Variants in ANKRD17 observed in about 807,000 individuals in gnomAD.
ANKRD17 encodes the protein ankyrin repeat domain 17, also known as ankyrin repeat domain-containing protein 17.
Under a neutral mutation model 229.7 loss-of-function variants are expected in ANKRD17, and 19 were observed. The ratio of observed to expected loss-of-function variants is 0.08; its 90% confidence interval spans 0.06 to 0.12. The LOEUF (loss-of-function observed/expected upper bound fraction) is 0.12, where lower values mean the gene tolerates loss of function less well. Among genes scored for constraint, ANKRD17 ranks in the 10% least tolerant of loss-of-function variants. ANKRD17 has a pLI of 1.00. For synonymous variants in ANKRD17, 1,112 were observed against 1,146.1 expected, an observed-to-expected ratio of 0.97 and a Z score of 0.60; for missense variants, 2,176 against 3,176.8, an observed-to-expected ratio of 0.68 and a Z score of 7.57.
intron 28 of ANKRD17, 69 bp downstream of exon 28, chr4:73,094,010 T>C (rs973904425): frequency 4.8e-6 from 7 of 1,458,322 alleles, no homozygotes; most frequent in Admixed American, 3.6e-5. Flanking sequence ...TGAAAACTCA[T>C]ATGGCTGTAT....
intron 24 of ANKRD17, among the ~76,000 whole-genome samples, chr4:73,110,096 A>G (rs537527666): frequency 6.6e-6 from 1 of 152,044 alleles, no homozygotes; most frequent in Admixed American, 6.6e-5. Flanking sequence ...GAAAAAAACT[A>G]AAATGAAGTG....
intron 1 of ANKRD17, among the ~76,000 whole-genome samples, chr4:73,215,369 C>G (rs542229063): frequency 2.6e-5 from 4 of 152,002 alleles, no homozygotes; most frequent in African/African-American, 4.8e-5. Context: ...AAGTGATTCT[C>G]CTGCCTCAGC....
At chr4:73,121,179 C>G in intron 19 of ANKRD17, 85 bp from the exon 20 acceptor site, 7 of 1,179,220 alleles carry the variant, frequency 5.9e-6, no homozygotes, top group Non-Finnish European at 8.7e-6. Context: ...TAATTCTAAT[C>G]TAAGATTATT....
At chr4:73,190,553 A>C (rs1423736931) in intron 1 of ANKRD17, among the ~76,000 whole-genome samples, 1 of 151,174 alleles carries the variant, frequency 6.6e-6, no homozygotes, top group Admixed American at 6.6e-5. Context: ...CCTCCAAAAA[A>C]AAAAACAAAA....
intron 2 of ANKRD17, among the ~76,000 whole-genome samples, chr4:73,170,963 G>C (rs1733910876): frequency 1.3e-5 from 2 of 152,032 alleles, no homozygotes; most frequent in Admixed American, 1.3e-4. Context: ...ATCCTGAAGG[G>C]GAAAAAAACA....
intron 1 of ANKRD17, among the ~76,000 whole-genome samples, chr4:73,221,393 A>G (rs986359915): frequency 6.6e-6 from 1 of 152,194 alleles, no homozygotes; most frequent in African/African-American, 2.4e-5. Flanking sequence ...ACAGTGCTCA[A>G]GTAGGATTTC....
intron 1 of ANKRD17, among the ~76,000 whole-genome samples, chr4:73,255,970 C>A (rs980324671): frequency 2.0e-5 from 3 of 152,232 alleles, no homozygotes; most frequent in African/African-American, 7.2e-5. Flanking sequence ...AGGTGATCCG[C>A]CCGCCTCGGT....
intron 1 of ANKRD17, among the ~76,000 whole-genome samples, chr4:73,198,069 C>G (rs1738140201): frequency 6.6e-6 from 1 of 152,064 alleles, no homozygotes; most frequent in African/African-American, 2.4e-5. Context: ...TACATACAAT[C>G]TAAAAACTTT....
intron 1 of ANKRD17, among the ~76,000 whole-genome samples, chr4:73,204,358 C>CAAAAAAAAAAAAAAA (rs374000000): frequency 8.7e-4 from 51 of 58,824 alleles, no homozygotes; most frequent in African/African-American, 1.0e-3. Flanking sequence ...GAGACTCCGT[C>CAAAAAAAAAAAAAAA]AAAAAAAAAA....
At chr4:73,096,342 G>A (rs1045230531) in intron 27 of ANKRD17, among the ~76,000 whole-genome samples, 2 of 152,186 alleles carry the variant, frequency 1.3e-5, no homozygotes, top group African/African-American at 4.8e-5. Flanking sequence ...CCAATAGAGT[G>A]TGTATGTGAA....
chr4:73,101,222 T>A (rs1336698641), intron 25 of ANKRD17: 18 of 975,652 alleles, frequency 1.8e-5, no homozygotes, highest in Non-Finnish European at 2.2e-5. Context: ...CCAAATAACC[T>A]TTTGATTATA....
At chr4:73,115,789 G>T in intron 23 of ANKRD17, 32 bp downstream of exon 23, 2 of 1,510,658 alleles carry the variant, frequency 1.3e-6, no homozygotes, top group Non-Finnish European at 1.8e-6. Flanking sequence ...ACCGAATAGA[G>T]TCCCTTGCTC....
chr4:73,078,150 G>A (rs369199135), intron 31 of ANKRD17, among the ~76,000 whole-genome samples: 14 of 152,196 alleles, frequency 9.2e-5, no homozygotes, highest in African/African-American at 2.6e-4. Context: ...AGACCGAGGC[G>A]GGCGGATCAC....
chr4:73,125,379 T>A, intron 16 of ANKRD17, 67 bp from the exon 17 acceptor site: 1 of 1,083,982 alleles, frequency 9.2e-7, no homozygotes, highest in South Asian at 1.4e-5. Context: ...ATACATAATA[T>A]GCAAACATAT....
intron 2 of ANKRD17, among the ~76,000 whole-genome samples, chr4:73,167,810 T>C (rs1461579121): frequency 6.6e-6 from 1 of 152,186 alleles, no homozygotes; most frequent in Admixed American, 6.5e-5. Context: ...TAATCCATTC[T>C]AGAATTTTAC....
At chr4:73,135,858 A>G (rs1728832521) in intron 15 of ANKRD17, among the ~76,000 whole-genome samples, 1 of 152,214 alleles carries the variant, frequency 6.6e-6, no homozygotes, top group African/African-American at 2.4e-5. Flanking sequence ...CTCACACAGA[A>G]GTGTAGTTGC....
At chr4:73,188,421 C>T (rs2149049156) in intron 1 of ANKRD17, among the ~76,000 whole-genome samples, 1 of 151,896 alleles carries the variant, frequency 6.6e-6, no homozygotes, top group South Asian at 2.1e-4. Flanking sequence ...CTCATCTCTA[C>T]TAAAAATATA....
At chr4:73,213,794 G>C (rs72663016) in intron 1 of ANKRD17, among the ~76,000 whole-genome samples, 2 of 151,868 alleles carry the variant, frequency 1.3e-5, no homozygotes, top group Admixed American at 6.6e-5. Flanking sequence ...TTTTTAAATA[G>C]AGGAAGATCT....
At chr4:73,134,381 T>C (rs1477905662) in intron 16 of ANKRD17, among the ~76,000 whole-genome samples, 1 of 152,118 alleles carries the variant, frequency 6.6e-6, no homozygotes. Context: ...ACTGCAAACA[T>C]TTCTTAGTCC....
Sources: allele counts gnomAD v4.1 joint callset (sites outside exome capture counted in the v4.1 genomes callset), GRCh38; gene constraint gnomAD v4.1.1; transcripts MANE v1.5; gene names NCBI Gene and HGNC (gene_info 2026-07-23, HGNC 2026-07-21).